MICAL1: variants seen among roughly 807,000 people sequenced by gnomAD.
MICAL1 encodes [F-actin]-monooxygenase MICAL1.
MICAL1 carries 95 observed loss-of-function variants against 131.8 expected under a neutral mutation model. The ratio of observed to expected loss-of-function variants is 0.72; its 90% CI spans 0.61 to 0.86. The LOEUF (loss-of-function observed/expected upper bound fraction) is 0.86, where lower values mean the gene tolerates loss of function less well. MICAL1 is among the 40% of genes least tolerant of loss of function. MICAL1 has a pLI of 0.00. For missense variants in MICAL1, 1,292 were observed against 1,380.6 expected, an observed-to-expected ratio of 0.94 and a Z score of 1.02; for synonymous variants, 546 against 554.2, an observed-to-expected ratio of 0.99 and a Z score of 0.21.
At chr6:109,463,556 T>G (rs1775956397) in intron 1 of MICAL1, 1 of 152,212 alleles carries the variant, frequency 6.6e-6, no homozygotes, top group African/African-American at 2.4e-5. Flanking sequence ...ATTTTTAAAC[T>G]GATACTTATT....
chr6:109,464,463 C>G (rs761246138), intron 1 of MICAL1: 1 of 152,188 alleles, frequency 6.6e-6, no homozygotes, highest in African/African-American at 2.4e-5. Flanking sequence ...TTTAGATATA[C>G]TAGTGCCCAC....
chr6:109,454,041 C>T lies in MICAL1; in HGVS notation c.156G>A (p.Lys52=), dbSNP rs762208876. Residue 52 remains lysine (K), a synonymous_variant, in exon 2 of 25, where the codon AAG becomes AAA. Coordinates refer to ENST00000358807, the MANE Select transcript of MICAL1 (RefSeq NM_022765.4). ...TGGCGCTCCAGTAGTTGAGCTGGTC[C>T]TTGATCTTGTGGTACTGGGGCAGCC... The part of the protein sequence containing the change: ...GGGLPQYHKI[K]DQLNYWSAKS... The T allele has an allele frequency of 6.2e-7, 1 of 1,614,158 alleles. No individual in the cohort carries two copies. Among genetic ancestry groups the T allele is most frequent in the Non-Finnish European group, 8.5e-7 (1 of 1,180,036 alleles).
At chr6:109,463,600 TTGATA>T (rs1199862405) in intron 1 of MICAL1, 24 of 152,354 alleles carry the variant, frequency 1.6e-4, no homozygotes, top group African/African-American at 5.5e-4. Context: ...TCTTAGCTAC[TTGATA>T]TGAGAATCTG....
chr6:109,453,036 T>C (rs986777689), intron 4 of MICAL1, among the ~76,000 whole-genome samples: 4 of 152,228 alleles, frequency 2.6e-5, no homozygotes, highest in Admixed American at 6.5e-5. Context: ...GGCACATGCC[T>C]GTAATCCCAG....
chr6:109,448,929 G>A (rs1459518122), intron 11 of MICAL1, 50 bp from the exon 12 acceptor site: 1 of 1,603,606 alleles, frequency 6.2e-7, no homozygotes, highest in Non-Finnish European at 8.5e-7. Context: ...CCCATCCCAG[G>A]CATATAGGGA....
chr6:109,459,689 T>TTA (rs1582660872), upstream of MICAL1, among the ~76,000 whole-genome samples: 1 of 152,246 alleles, frequency 6.6e-6, no homozygotes, highest in East Asian at 1.9e-4. Context: ...GCTGCAAAGA[T>TTA]TAAACACATA....
chr6:109,456,064 G>A, upstream of MICAL1: 1 of 981,148 alleles, frequency 1.0e-6, no homozygotes, highest in Non-Finnish European at 1.2e-6. Flanking sequence ...CCTCTGGGTG[G>A]GTCTGGCCTG....
At chr6:109,446,069 C>G (rs1033279505) in intron 19 of MICAL1, 67 bp downstream of exon 19, 1 of 1,508,736 alleles carries the variant, frequency 6.6e-7, no homozygotes, top group Non-Finnish European at 8.8e-7. Flanking sequence ...CCCAGAATTC[C>G]TCTGCAGGAA....
chr6:109,445,895 C>A, intron 19 of MICAL1, 33 bp from the exon 20 acceptor site: 1 of 1,577,362 alleles, frequency 6.3e-7, no homozygotes, highest in East Asian at 2.3e-5. Context: ...TCTACTGCCT[C>A]CAGCGCCTGC....
At position 109,444,272 on chromosome 6, in the gene MICAL1, G is replaced by A. The variant is rs779721061; in HGVS notation, c.3123C>T (p.Val1041=). The part of the protein sequence containing the change: ...DQVLRKLVDL[V]NQRDALIRFQ... ...AGCGGATGAGGGCATCTCTCTGGTT[G>A]ACCAAATCCACCAGCTTCCTCAGGA... Residue 1041 remains valine (V), a synonymous_variant, in exon 25 of 25, where the codon GTC becomes GTT. Transcript: ENST00000358807. 12 of 1,613,576 alleles carry A rather than the reference G, an allele frequency of 7.4e-6. No homozygotes were observed. The highest frequency in any genetic ancestry group is 1.0e-5 in the Non-Finnish European group (12 of 1,180,028).
chr6:109,455,767 A>T lies in MICAL1; in HGVS notation c.-92T>A. 1 of 718,706 alleles carries T rather than the reference A, an allele frequency of 1.4e-6. No homozygotes were observed. The highest frequency in any genetic ancestry group is 1.6e-6 in the Non-Finnish European group (1 of 631,544). 44.5% of individuals were successfully genotyped at this position (718,706 alleles called of 1,614,324 possible). On this transcript the variant is annotated 5_prime_UTR_variant, in exon 1 of 25. Transcript: ENST00000358807. This position sits in a 1 kb window ranked among gnomAD's most constrained non-coding sequence, Gnocchi z 4.7. ...GCCGCTTCCTGTTGGGCTGGCAACC[A>T]GGTCTGAGCGGGTGGGAGGGCGGGG...
At chr6:109,459,956 T>C (rs1458125533), upstream of MICAL1, among the ~76,000 whole-genome samples, 9 of 152,338 alleles carry the variant, frequency 5.9e-5, no homozygotes, top group African/African-American at 1.7e-4. Flanking sequence ...AACTATTCTT[T>C]TGGAAAATCA....
intron 14 of MICAL1, 73 bp from the exon 15 acceptor site, chr6:109,447,795 A>C: frequency 6.2e-7 from 1 of 1,611,924 alleles, no homozygotes; most frequent in East Asian, 2.2e-5. Flanking sequence ...GAATGTCCTC[A>C]CCATCACCCC....
In MICAL1 at chr6:109,445,809, C is replaced by T; in HGVS notation, c.2635G>A (p.Glu879Lys). Residue 879 changes from glutamate to lysine, a missense_variant, in exon 20 of 25, where the codon GAA (glutamate) becomes AAA (lysine). Physicochemically the swap from Glu to Lys is moderately conservative, Grantham distance 56. Transcript: ENST00000358807. Reference protein sequence around the residue: ...EKESPFSSEEEEEDVPLDSDV... With the variant: ...EKESPFSSEEKEEDVPLDSDV... Reference sequence around the variant, plus strand: ...GAGTCCAAAGGCACATCTTCTTCTTCCTCTTCACTGGAGAAGGGACTCTCT... The same window carrying T: ...GAGTCCAAAGGCACATCTTCTTCTTTCTCTTCACTGGAGAAGGGACTCTCT... 2 of 1,611,730 alleles carry T rather than the reference C, an allele frequency of 1.2e-6. No homozygotes were observed. The highest frequency in any genetic ancestry group is 1.7e-6 in the Non-Finnish European group (2 of 1,179,096).
In MICAL1 at chr6:109,452,009, A is replaced by T. The variant is rs1009832887; in HGVS notation, c.832+237T>A. On this transcript the variant is annotated intron_variant, in intron 6 of 24. Coordinates refer to ENST00000358807, the MANE Select transcript of MICAL1 (RefSeq NM_022765.4). The stretch of plus-strand genomic sequence containing the variant: ...ACCTTCTTGAAGTACCACTTAAGCA[A>T]AACTCCCATACACAGGTTCATCTCT... 5.5e-5 allele frequency: 76 copies of T among 1,393,960 alleles called. No individual in the cohort carries two copies. The African/African-American group carries it at 9.4e-4, about 17-fold the overall frequency. 86.3% of individuals were successfully genotyped at this position (1,393,960 alleles called of 1,614,324 possible). A position where few individuals can be genotyped will look rare whatever the true frequency, so the allele number is the denominator to read the frequency against.
At position 109,465,681 on chromosome 6, in the gene MICAL1, C is replaced by T. The variant is rs371301102; in HGVS notation, c.-4G>A. 12 of 1,592,950 alleles carry T rather than the reference C, an allele frequency of 7.5e-6. No individual in the cohort carries two copies. The South Asian group carries it at 1.3e-4, about 18-fold the overall frequency. On this transcript the variant is annotated 5_prime_UTR_variant, in exon 1 of 25. Coordinates refer to the MICAL1 transcript ENST00000630715. ...ATCAGTACCTTAGACAAGACATACA[C>T]ACATCTTGCTACCTGGATGGAGGGC...
At position 109,449,840 on chromosome 6, in the gene MICAL1, C is replaced by T. The variant is rs544061994; in HGVS notation, c.1308-57G>A. ...GAATGGGAGGGCACCTGTCAGCACC[C>T]ACCTCTCAGGAACTGCCAGGCCTTT... On this transcript the variant is annotated intron_variant, in intron 9 of 24. Transcript: ENST00000358807. 4.9e-5 allele frequency: 78 copies of T among 1,586,828 alleles called. No homozygotes were observed. In the South Asian group the frequency reaches 8.8e-4, roughly 18 times the overall value.
In MICAL1 at chr6:109,444,960, G is replaced by A; in HGVS notation, c.2917C>T (p.Gln973Ter). The A allele has an allele frequency of 6.2e-7, 1 of 1,614,072 alleles. No individual in the cohort carries two copies. The stretch of plus-strand genomic sequence containing the variant: ...TTCTTGTCAACGAGCTGTAGCAGCT[G>A]TCCTACCCATAGTTTCTTTTGCTGT... Reference protein sequence around the residue: ...PEQQKKLWVGQLLQLVDKKNS... With the variant: ...PEQQKKLWVG The change falls in exon 23 of 25, where the codon CAG becomes TAG. Residue 973 changes from glutamine (Q) to a stop codon, truncating the protein, a stop_gained. Transcript: ENST00000358807. LOFTEE classifies it high-confidence loss of function.
At chr6:109,463,388 C>G (rs866001740) in intron 1 of MICAL1, 1 of 152,154 alleles carries the variant, frequency 6.6e-6, no homozygotes, top group African/African-American at 2.4e-5. Flanking sequence ...GACAGCTGGT[C>G]AAATAATTCA....
Sources: gnomAD v4.1 joint callset for allele counts (sites outside exome capture counted in the v4.1 genomes callset) on GRCh38, gnomAD v4.1.1 for gene constraint, Gnocchi (gnomAD v3.1) non-coding constraint, MANE v1.5 for transcripts, NCBI Gene and HGNC (gene_info 2026-07-23, HGNC 2026-07-21) for gene names.